The following PEX14 variants were observed in gnomAD, a reference collection of about 807,000 sequenced individuals.
The protein encoded by PEX14 is peroxisomal membrane protein PEX14.
Under a neutral mutation model 49.5 loss-of-function variants are expected in PEX14, and 15 were observed. The ratio of observed to expected loss-of-function variants is 0.30; its 90% CI spans 0.20 to 0.47. The LOEUF is 0.47. PEX14 is among the 20% of genes least tolerant of loss of function. PEX14 has a pLI of 1.00. For synonymous variants in PEX14, 210 were observed against 212.7 expected (o/e 0.99, Z 0.11); for missense variants, 398 against 494.8 (o/e 0.80, Z 1.86).
chr1:10,517,685 C>T (rs1030780480), intron 2 of PEX14, among the ~76,000 whole-genome samples: 1 of 135,202 alleles, frequency 7.4e-6, no homozygotes, highest in Admixed American at 7.7e-5. Flanking sequence ...GAAGCAGAAC[C>T]TGTGATTTTT....
intron 2 of PEX14, among the ~76,000 whole-genome samples, chr1:10,525,925 ATT>A (rs35410807): frequency 3.0e-5 from 4 of 131,516 alleles, no homozygotes; most frequent in Non-Finnish European, 1.6e-5. Flanking sequence ...CGCCTGGCTG[ATT>A]TTTTTTTTTT....
rs1459322335 is a variant in PEX14 at position 10,599,362 on chromosome 1, A to G, written c.294A>G (p.Pro98=). Residue 98 remains proline, a synonymous_variant, in exon 4 of 9, where the codon CCA becomes CCG. Coordinates refer to ENST00000356607, the MANE Select transcript of PEX14 (RefSeq NM_004565.3). The stretch of plus-strand genomic sequence containing the variant: ...AGCCCCCTCACCTCATATCTCAGCC[A>G]TACAGTAAGTCACCCGCTCAAACTC... ...PVQPPHLISQ[P]YSPAGSRWRD... is the part of the protein sequence containing the mutation. 6 of 1,614,064 alleles carry G rather than the reference A, an allele frequency of 3.7e-6. No homozygotes were observed. The highest frequency in any genetic ancestry group is 1.7e-5 in the Admixed American group (1 of 60,004).
chr1:10,621,523 T>C (rs939752910), intron 5 of PEX14, among the ~76,000 whole-genome samples: 1 of 152,078 alleles, frequency 6.6e-6, no homozygotes, highest in Non-Finnish European at 1.5e-5. Context: ...ATCTTTATAT[T>C]TTTAGTAGAG....
intron 2 of PEX14, among the ~76,000 whole-genome samples, chr1:10,505,278 C>A (rs1002222099): frequency 6.6e-6 from 1 of 151,984 alleles, no homozygotes; most frequent in Non-Finnish European, 1.5e-5. Flanking sequence ...TGAGATCAGC[C>A]TGGGCAACGT....
chr1:10,608,084 C>T (rs1342030763), intron 4 of PEX14, among the ~76,000 whole-genome samples: 2 of 152,186 alleles, frequency 1.3e-5, no homozygotes, highest in African/African-American at 4.8e-5. Flanking sequence ...CCTCCTGCTT[C>T]AGCCTCCCAA....
rs910204741 is a variant in PEX14, at chr1:10,512,674, C to T, written c.84+17353C>T. 2.6e-5 allele frequency among the ~76,000 whole-genome samples: 4 copies of T among 151,860 alleles called. No homozygotes were observed. Among genetic ancestry groups the T allele is most frequent in the African/African-American group, 9.7e-5 (4 of 41,336 alleles). On this transcript the variant is annotated intron_variant, in intron 2 of 8. Coordinates refer to ENST00000356607, the MANE Select transcript of PEX14 (RefSeq NM_004565.3). The surrounding 1 kb of genome is among the most constrained non-coding windows in gnomAD (Gnocchi z 4.6). The stretch of plus-strand genomic sequence containing the variant: ...CATAGGATCGTTTTTAAATGAAATG[C>T]TCCCTGTTCTTTTCCTTCTTTTTTT...
At chr1:10,620,294 T>C (rs1446658808) in intron 5 of PEX14, among the ~76,000 whole-genome samples, 2 of 92,006 alleles carry the variant, frequency 2.2e-5, no homozygotes, top group Non-Finnish European at 4.0e-5. Context: ...TACCAAACAA[T>C]AAAATAAAAT....
chr1:10,605,603 C>T (rs987383625), intron 4 of PEX14, among the ~76,000 whole-genome samples: 15 of 152,256 alleles, frequency 9.9e-5, no homozygotes, highest in African/African-American at 3.4e-4. Flanking sequence ...GTGGCCTGTG[C>T]GTAAGTGATA....
intron 2 of PEX14, among the ~76,000 whole-genome samples, chr1:10,525,925 AT>A (rs35410807): frequency 1.9e-3 from 245 of 131,296 alleles, no homozygotes; most frequent in Middle Eastern, 5.1e-3. Context: ...CGCCTGGCTG[AT>A]TTTTTTTTTT....
At chr1:10,556,108 G>A (rs1639482048) in intron 3 of PEX14, among the ~76,000 whole-genome samples, 1 of 152,146 alleles carries the variant, frequency 6.6e-6, no homozygotes, top group African/African-American at 2.4e-5. Context: ...GGCACCGTCT[G>A]CCAGTGCTCA....
chr1:10,485,368 A>G lies in PEX14; in HGVS notation c.37-9906A>G, dbSNP rs867862085. Among the ~76,000 whole-genome samples, 98 of 140,158 alleles carry G rather than the reference A, an allele frequency of 7.0e-4. 6 individuals are homozygous for G. Among genetic ancestry groups the G allele is most frequent in the African/African-American group, 2.5e-3 (89 of 36,230 alleles). 91.9% of individuals were successfully genotyped at this position (140,158 alleles called of 152,430 possible). ...GTCTTTGTCGCCCAAGCTGGAGTGC[A>G]GTGGTGCAATCATACATAGCTCACT... On this transcript the variant is annotated intron_variant, in intron 1 of 8. Transcript: ENST00000356607.
chr1:10,506,078 C>G (rs1641777222), intron 2 of PEX14, among the ~76,000 whole-genome samples: 1 of 151,982 alleles, frequency 6.6e-6, no homozygotes, highest in African/African-American at 2.4e-5. Context: ...GTCTGACCAA[C>G]TTGCTGTTTG....
chr1:10,500,980 G>A (rs749061214), intron 2 of PEX14, among the ~76,000 whole-genome samples: 7 of 152,212 alleles, frequency 4.6e-5, no homozygotes, highest in Non-Finnish European at 7.3e-5. Flanking sequence ...TAAGCATTTT[G>A]TGGGGAAATA....
Position 10,629,490 on chromosome 1 carries a change from T to C in PEX14, c.678-41T>C, listed in dbSNP as rs1186974489. On this transcript the variant is annotated intron_variant, in intron 8 of 8. Transcript: ENST00000356607. This position sits in a 1 kb window ranked among gnomAD's most constrained non-coding sequence, Gnocchi z 8.5. ...CGTGGCCCTTCGAAGGGGGGCGTCC[T>C]GAATGCCGCCACCAACCTCCTCCCC... is the stretch of plus-strand genomic sequence containing the variant. The C allele has an allele frequency of 6.8e-7, 1 of 1,468,386 alleles. No homozygotes were observed. 91.0% of individuals were successfully genotyped at this position (1,468,386 alleles called of 1,614,324 possible). A position where few individuals can be genotyped will look rare whatever the true frequency, so the allele number is the denominator to read the frequency against.
chr1:10,485,758 GT>G lies in PEX14; in HGVS notation c.37-9501del, dbSNP rs544485030. On this transcript the variant is annotated intron_variant, in intron 1 of 8. Coordinates refer to ENST00000356607, the MANE Select transcript of PEX14 (RefSeq NM_004565.3). Reference sequence around the variant, plus strand: ...ACCTTGTTAACTTATAATTCTAGTAGTTTTTTTTTTTTTTTGAGACAGACTC... The same window carrying G: ...ACCTTGTTAACTTATAATTCTAGTAGTTTTTTTTTTTTTTGAGACAGACTC... Among the ~76,000 whole-genome samples, 724 of 139,908 alleles carry G rather than the reference GT, an allele frequency of 5.2e-3. 12 individuals are homozygous for G. Among genetic ancestry groups the G allele is most frequent in the African/African-American group, 0.013 (478 of 37,618 alleles). The allele number at this position is 139,908 out of a possible 152,430, so 91.8% of individuals were successfully genotyped here. A position where few individuals can be genotyped will look rare whatever the true frequency, so the allele number is the denominator to read the frequency against.
At chr1:10,550,876 A>G (rs1298182953) in intron 3 of PEX14, among the ~76,000 whole-genome samples, 6 of 152,216 alleles carry the variant, frequency 3.9e-5, no homozygotes, top group Non-Finnish European at 7.3e-5. Context: ...ATACCTTTTC[A>G]TATACATTTC....
At chr1:10,488,931 T>G (rs913975982) in intron 1 of PEX14, among the ~76,000 whole-genome samples, 6 of 152,232 alleles carry the variant, frequency 3.9e-5, no homozygotes, top group Non-Finnish European at 8.8e-5. Context: ...TTTTTCTTAT[T>G]GTTATTGGTT....
Position 10,629,454 on chromosome 1 carries a change from G to C in PEX14, c.678-77G>C. The C allele has an allele frequency of 9.8e-7, 1 of 1,015,370 alleles. No individual in the cohort carries two copies. The highest frequency in any genetic ancestry group is 1.3e-5 in the South Asian group (1 of 75,824). 62.9% of individuals were successfully genotyped at this position (1,015,370 alleles called of 1,614,324 possible). On this transcript the variant is annotated intron_variant, in intron 8 of 8. Transcript: ENST00000356607. The surrounding 1 kb of genome is among the most constrained non-coding windows in gnomAD (Gnocchi z 8.5). Reference sequence around the variant, plus strand: ...GCTCACCATCGCCGAGCCCTTGCGGGTCAGGGAAGGCGTGGCCCTTCGAAG... The same window carrying C: ...GCTCACCATCGCCGAGCCCTTGCGGCTCAGGGAAGGCGTGGCCCTTCGAAG...
rs116276966 is a variant in PEX14 at position 10,616,934 on chromosome 1, T to C, written c.299-1398T>C. 2.8e-3 allele frequency: 426 copies of C among 152,112 alleles called. 3 individuals carry two copies. Among genetic ancestry groups the C allele is most frequent in the African/African-American group, 9.9e-3 (412 of 41,440 alleles). 9.4% of individuals were successfully genotyped at this position (152,112 alleles called of 1,614,324 possible). A position where few individuals can be genotyped will look rare whatever the true frequency, so the allele number is the denominator to read the frequency against. ...AGTTCCGGGCTACGGGGCACTGTGC[T>C]GATCGGGGTTCTGCACTAAGTTCTG... On this transcript the variant is annotated intron_variant, in intron 4 of 8. Transcript: ENST00000356607.
Sources: allele counts gnomAD v4.1 joint callset (sites outside exome capture counted in the v4.1 genomes callset), GRCh38; gene constraint gnomAD v4.1.1; non-coding constraint Gnocchi (gnomAD v3.1); transcripts MANE v1.5; gene names NCBI Gene and HGNC (gene_info 2026-07-23, HGNC 2026-07-21).